TUSC3: variants seen among roughly 807,000 people sequenced by gnomAD.
TUSC3 encodes tumor suppressor candidate 3, also known as dolichyl-diphosphooligosaccharide--protein glycosyltransferase subunit TUSC3.
A neutral mutation model predicts 44.8 loss-of-function variants in TUSC3; 45 were observed. That is an observed-to-expected ratio of 1.00 (90% CI 0.79 to 1.29). The LOEUF is 1.29. Ranked by LOEUF, TUSC3 falls within the 50% of genes most tolerant of loss-of-function variation. The probability of loss-of-function intolerance (pLI) is 0.00; values close to 1 mark genes in which losing one functional copy is unlikely to be tolerated. For synonymous variants in TUSC3, 212 were observed against 152.9 expected (o/e 1.39, Z -2.85); for missense variants, 519 against 437.9 (o/e 1.19, Z -1.65).
intron 6 of TUSC3, among the ~76,000 whole-genome samples, chr8:15,709,460 T>C (rs1033865071): frequency 1.3e-5 from 2 of 151,912 alleles, no homozygotes; most frequent in African/African-American, 2.4e-5. Context: ...ATCCATATTC[T>C]TATATGTATT....
intron 1 of TUSC3, among the ~76,000 whole-genome samples, chr8:15,615,163 T>G (rs1319735523): frequency 6.6e-6 from 1 of 152,208 alleles, no homozygotes; most frequent in Non-Finnish European, 1.5e-5. Flanking sequence ...TGTCCTCTCA[T>G]GTTTATTGAA....
the TUSC3 span, among the ~76,000 whole-genome samples, chr8:15,798,951 G>T: frequency 6.6e-6 from 1 of 152,024 alleles, no homozygotes; most frequent in Non-Finnish European, 1.5e-5. Flanking sequence ...TTCTCCAGTG[G>T]GTCTCCTATA....
chr8:15,596,945 G>A (rs756355446), intron 1 of TUSC3, among the ~76,000 whole-genome samples: 1 of 152,134 alleles, frequency 6.6e-6, no homozygotes, highest in Non-Finnish European at 1.5e-5. Flanking sequence ...CAGGTGACAA[G>A]GTTAATAGTC....
intron 2 of TUSC3, among the ~76,000 whole-genome samples, chr8:15,630,459 A>G (rs1016946711): frequency 2.1e-5 from 3 of 142,978 alleles, no homozygotes; most frequent in Non-Finnish European, 4.9e-5. Flanking sequence ...TACAGTATAT[A>G]TATTATGTCA....
chr8:15,564,162 A>G (rs1199681892), intron 1 of TUSC3, among the ~76,000 whole-genome samples: 1 of 152,100 alleles, frequency 6.6e-6, no homozygotes, highest in East Asian at 1.9e-4. Context: ...AATTTTTGTG[A>G]CTGGCACTTC....
chr8:15,589,579 C>T (rs886915967), intron 1 of TUSC3, among the ~76,000 whole-genome samples: 1 of 152,068 alleles, frequency 6.6e-6, no homozygotes, highest in Non-Finnish European at 1.5e-5. Flanking sequence ...AATTAGCTTG[C>T]TGCCACATTG....
intron 1 of TUSC3, among the ~76,000 whole-genome samples, chr8:15,570,077 A>G (rs1235524852): frequency 6.6e-6 from 1 of 152,098 alleles, no homozygotes; most frequent in African/African-American, 2.4e-5. Flanking sequence ...CAGGTTTATA[A>G]AAGATTCCCA....
chr8:15,678,014 G>A (rs900934093), intron 6 of TUSC3, among the ~76,000 whole-genome samples: 4 of 151,740 alleles, frequency 2.6e-5, no homozygotes, highest in Non-Finnish European at 2.9e-5. Context: ...GGAGAAGAGA[G>A]GGAAACTGAG....
At chr8:15,425,055 T>C (rs904259565) in intron 1 of TUSC3, among the ~76,000 whole-genome samples, 4 of 152,130 alleles carry the variant, frequency 2.6e-5, no homozygotes, top group Non-Finnish European at 5.9e-5. Flanking sequence ...TCAGGAAGAA[T>C]CCTAGGAATG....
intron 10 of TUSC3, 145 bp downstream of exon 10, chr8:15,758,000 G>C (rs1812003688): frequency 1.4e-6 from 2 of 1,449,338 alleles, no homozygotes; most frequent in South Asian, 1.5e-5. Flanking sequence ...CCATATTCCA[G>C]TCTTACATTA....
chr8:15,671,529 T>A (rs982111252), intron 5 of TUSC3, among the ~76,000 whole-genome samples: 1 of 152,060 alleles, frequency 6.6e-6, no homozygotes, highest in South Asian at 2.1e-4. Flanking sequence ...GTGCCAGCGC[T>A]ATGTGAGTAA....
At chr8:15,451,205 A>G (rs962283437) in intron 1 of TUSC3, among the ~76,000 whole-genome samples, 4 of 152,166 alleles carry the variant, frequency 2.6e-5, no homozygotes, top group African/African-American at 9.7e-5. Context: ...GTATCACAGT[A>G]TAATGTTACT....
In TUSC3 at chr8:15,761,925, A is replaced by G. The variant is rs1053350895; in HGVS notation, c.*47-2278A>G. Among the ~76,000 whole-genome samples the G allele has an allele frequency of 6.6e-5, 10 of 152,234 alleles. No homozygotes were observed. In the East Asian group the frequency reaches 1.9e-3, roughly 29 times the overall value. The stretch of plus-strand genomic sequence containing the variant: ...ATTAAGAAGCAAAAGTATTTATTAG[A>G]CAGATAAATGTGAAAAGGGAAAAAA... On this transcript the variant is annotated intron_variant, in intron 10 of 10. Coordinates refer to ENST00000503731, the MANE Select transcript of TUSC3 (RefSeq NM_006765.4).
At chr8:15,594,343 A>G (rs879876077) in intron 1 of TUSC3, among the ~76,000 whole-genome samples, 19 of 152,166 alleles carry the variant, frequency 1.2e-4, no homozygotes, top group Non-Finnish European at 2.4e-4. Context: ...TTGTCTGGTA[A>G]TTTTAACATC....
At chr8:15,490,705 AG>A (rs1374452046) in intron 2 of TUSC3, among the ~76,000 whole-genome samples, 1 of 152,212 alleles carries the variant, frequency 6.6e-6, no homozygotes, top group African/African-American at 2.4e-5. Flanking sequence ...TCTGCAATAA[AG>A]GGTGCACTCA....
intron 8 of TUSC3, among the ~76,000 whole-genome samples, chr8:15,746,549 C>T (rs986456379): frequency 1.5e-4 from 23 of 152,096 alleles, no homozygotes; most frequent in African/African-American, 4.8e-4. Flanking sequence ...CCCCTCCCTG[C>T]ACTGAGTTCC....
chr8:15,824,906 G>T, the TUSC3 span, among the ~76,000 whole-genome samples: 1 of 152,134 alleles, frequency 6.6e-6, no homozygotes, highest in Non-Finnish European at 1.5e-5. Flanking sequence ...GTATCTGTTG[G>T]TGAAATTCAG....
chr8:15,802,169 C>T, the TUSC3 span, among the ~76,000 whole-genome samples: 1 of 152,128 alleles, frequency 6.6e-6, no homozygotes, highest in Non-Finnish European at 1.5e-5. Context: ...GAAGATGATT[C>T]ATTAAACATA....
chr8:15,529,628 G>A (rs531897654), intron 2 of TUSC3, among the ~76,000 whole-genome samples: 67 of 151,836 alleles, frequency 4.4e-4, no homozygotes, highest in African/African-American at 1.6e-3. Context: ...ACTATCTAAC[G>A]TATCAATATG....
Sources: allele counts gnomAD v4.1 joint callset (sites outside exome capture counted in the v4.1 genomes callset), GRCh38; gene constraint gnomAD v4.1.1; transcripts MANE v1.5; gene names NCBI Gene and HGNC (gene_info 2026-07-23, HGNC 2026-07-21).